ALKBH3: variants seen among roughly 807,000 people sequenced by gnomAD.
ALKBH3 encodes the protein alkB homolog 3, alpha-ketoglutarate dependent dioxygenase.
A neutral mutation model predicts 43.9 loss-of-function variants in ALKBH3; 51 were observed. That is an observed-to-expected ratio of 1.16 (90% confidence interval 0.93 to 1.47). ALKBH3 has a LOEUF of 1.47. Ranked by LOEUF, ALKBH3 falls within the 40% of genes most tolerant of loss-of-function variation. The probability of loss-of-function intolerance (pLI) is 0.00; values close to 1 mark genes in which losing one functional copy is unlikely to be tolerated. For synonymous variants in ALKBH3, 102 were observed against 115.2 expected (o/e 0.89, Z 0.73); for missense variants, 361 against 351.9 (o/e 1.03, Z -0.21).
At chr11:43,907,199 T>TAGAG in intron 8 of ALKBH3, among the ~76,000 whole-genome samples, 1 of 149,008 alleles carries the variant, frequency 6.7e-6, no homozygotes, top group East Asian at 2.0e-4. Context: ...TGAGGGTGAG[T>TAGAG]AGAGAGAGAG....
chr11:43,885,171 C>A (rs1394328526), intron 4 of ALKBH3, among the ~76,000 whole-genome samples: 1 of 152,106 alleles, frequency 6.6e-6, no homozygotes, highest in African/African-American at 2.4e-5. Flanking sequence ...CAGAAACAGG[C>A]AATTGTCGGA....
chr11:43,880,872 G>C lies in ALKBH3; in HGVS notation c.-378G>C, dbSNP rs1015861936. On this transcript the variant is annotated 5_prime_UTR_variant, in exon 1 of 10. Coordinates refer to ENST00000302708, the MANE Select transcript of ALKBH3 (RefSeq NM_139178.4). Reference sequence around the variant, plus strand: ...TCACAGACTGCGGAGTGGGTCAGGGGCTGCGAGGGCTGCCCCAAGTCCTAC... The same window carrying C: ...TCACAGACTGCGGAGTGGGTCAGGGCCTGCGAGGGCTGCCCCAAGTCCTAC... 1.3e-5 allele frequency: 2 copies of C among 152,148 alleles called. No individual in the cohort carries two copies. Among genetic ancestry groups the C allele is most frequent in the Non-Finnish European group, 2.9e-5 (2 of 68,070 alleles). The allele number at this position is 152,148 out of a possible 1,614,324, so 9.4% of individuals were successfully genotyped here. A position where few individuals can be genotyped will look rare whatever the true frequency, so the allele number is the denominator to read the frequency against.
chr11:43,898,764 G>A, intron 7 of ALKBH3: 1 of 743,600 alleles, frequency 1.3e-6, no homozygotes, highest in Non-Finnish European at 2.5e-6. Context: ...CTGTGCTCTG[G>A]ACGCTGGTTA....
intron 8 of ALKBH3, among the ~76,000 whole-genome samples, chr11:43,908,866 T>C (rs1368821058): frequency 2.0e-5 from 3 of 152,220 alleles, no homozygotes; most frequent in Non-Finnish European, 4.4e-5. Context: ...CTGAGAGAGC[T>C]TGTGCCGCAG....
rs371627856 is a variant in ALKBH3 at position 43,882,731 on chromosome 11, G to C, written c.79G>C (p.Ala27Pro). Residue 27 changes from alanine to proline, a missense_variant and splice_region_variant, in exon 2 of 10, where the codon GCT becomes CCT. Coordinates refer to ENST00000302708, the MANE Select transcript of ALKBH3 (RefSeq NM_139178.4). ...PVKSQAIAQP[A>P]TTAKSHLHQK... ...TAAAAGCCAGGCCATTGCTCAGCCA[G>C]GCAAGAATCTGTAGGGATTTTGTGT... is the stretch of plus-strand genomic sequence containing the variant. 10 of 1,610,704 alleles carry C rather than the reference G, an allele frequency of 6.2e-6. No individual in the cohort carries two copies. The South Asian group carries it at 8.8e-5, about 14-fold the overall frequency.
chr11:43,899,405 CACA>C (rs1951844507), intron 7 of ALKBH3: 1 of 706,420 alleles, frequency 1.4e-6, no homozygotes. Context: ...GATCTCTTCG[CACA>C]ACTGTAAAGT....
At position 43,886,644 on chromosome 11, in the gene ALKBH3, G is replaced by A; in HGVS notation, c.257G>A (p.Gly86Asp). 1.9e-6 allele frequency: 3 copies of A among 1,613,986 alleles called. No individual in the cohort carries two copies. The highest frequency in any genetic ancestry group is 2.5e-6 in the Non-Finnish European group (3 of 1,179,918). Residue 86 changes from glycine (G) to aspartate (D), a missense_variant, in exon 5 of 10, where the codon GGT (glycine) becomes GAT (aspartate). Physicochemically the swap from Gly to Asp is moderately conservative, Grantham distance 94. Coordinates refer to ENST00000302708, the MANE Select transcript of ALKBH3 (RefSeq NM_139178.4). The part of the protein sequence containing the change: ...GVYEISLSPT[G>D]VSRVCLYPGF... ...TATGAAATCAGCCTGTCACCCACAG[G>A]TGTATCTAGGTAAGCAAATCCTCAC...
intron 6 of ALKBH3, among the ~76,000 whole-genome samples, chr11:43,891,577 A>T (rs556529578): frequency 7.9e-5 from 12 of 152,316 alleles, no homozygotes; most frequent in Admixed American, 5.9e-4. Context: ...ACAGTTGGTC[A>T]GGGCACTTTT....
intron 8 of ALKBH3, among the ~76,000 whole-genome samples, chr11:43,917,336 A>G (rs867063058): frequency 1.3e-5 from 2 of 152,140 alleles, no homozygotes; most frequent in Middle Eastern, 3.4e-3. Flanking sequence ...CTTCTCCCCA[A>G]CAGTGTTTTT....
At chr11:43,919,471 T>C (rs1952009899) in intron 9 of ALKBH3, 1 of 313,680 alleles carries the variant, frequency 3.2e-6, no homozygotes, top group Admixed American at 4.7e-5. Context: ...TAAATTTAAA[T>C]AGCTTCAGGG....
rs762381561 is a variant in ALKBH3, at chr11:43,920,059, A to G, written c.*49A>G. On this transcript the variant is annotated 3_prime_UTR_variant, in exon 10 of 10. Transcript: ENST00000302708. ...TTCACTGAAACGGAGCAAACCTTCC[A>G]CTGAGAAGCCACTTCAAGAGGCTGG... 9.8e-6 allele frequency: 15 copies of G among 1,525,632 alleles called. No individual in the cohort carries two copies. The highest frequency in any genetic ancestry group is 1.3e-5 in the Non-Finnish European group (14 of 1,101,810). The allele number at this position is 1,525,632 out of a possible 1,614,324, so 94.5% of individuals were successfully genotyped here. A position where few individuals can be genotyped will look rare whatever the true frequency, so the allele number is the denominator to read the frequency against.
At chr11:43,889,910 C>A in intron 6 of ALKBH3, 82 bp downstream of exon 6, 1 of 1,177,090 alleles carries the variant, frequency 8.5e-7, no homozygotes, top group East Asian at 2.4e-5. Context: ...CTTCTGCTCA[C>A]CAAAGCTAGT....
At chr11:43,888,501 G>A (rs944456424) in intron 5 of ALKBH3, among the ~76,000 whole-genome samples, 8 of 152,198 alleles carry the variant, frequency 5.3e-5, no homozygotes, top group African/African-American at 1.4e-4. Flanking sequence ...CATTAACATC[G>A]CCTTAATGCA....
intron 8 of ALKBH3, among the ~76,000 whole-genome samples, chr11:43,913,471 A>T (rs1215165304): frequency 1.3e-5 from 2 of 152,248 alleles, no homozygotes; most frequent in African/African-American, 4.8e-5. Context: ...AATTAAACAA[A>T]TCCACTATAA....
In ALKBH3 at chr11:43,892,142, A is replaced by G; in HGVS notation, c.459+13A>G. On this transcript the variant is annotated intron_variant, in intron 7 of 9. Transcript: ENST00000302708. ...ACCAAATCCTCACGTATGTCAACATATTGTCATTGGTATGGTTTTATAGAC... is the reference window on the plus strand; with the variant it reads ...ACCAAATCCTCACGTATGTCAACATGTTGTCATTGGTATGGTTTTATAGAC... 1 of 1,584,622 alleles carries G rather than the reference A, an allele frequency of 6.3e-7. No individual in the cohort carries two copies. The highest frequency in any genetic ancestry group is 1.3e-5 in the African/African-American group (1 of 74,352).
chr11:43,901,607 A>C lies in ALKBH3; in HGVS notation c.551A>C (p.Glu184Ala). Residue 184 changes from glutamate (E) to alanine (A), a missense_variant, in exon 8 of 10, where the codon GAG becomes GCG. By Grantham distance (107) the Glu-to-Ala change is moderately radical. Transcript: ENST00000302708. The stretch of plus-strand genomic sequence containing the variant: ...TTACTCTGCAATCTTTATCGCAATG[A>C]GAAGGACAGCGTGGACTGGCACAGT... Reference protein sequence around the residue: ...NSLLCNLYRNEKDSVDWHSDD... With the variant: ...NSLLCNLYRNAKDSVDWHSDD... The C allele has an allele frequency of 6.2e-7, 1 of 1,614,234 alleles. No homozygotes were observed.
chr11:43,895,507 T>C (rs910900299), intron 7 of ALKBH3, among the ~76,000 whole-genome samples: 5 of 152,216 alleles, frequency 3.3e-5, no homozygotes, highest in Non-Finnish European at 5.9e-5. Context: ...CCTCTTTTTG[T>C]TGGTAAATTA....
At chr11:43,918,101 A>G (rs1225830954) in intron 8 of ALKBH3, among the ~76,000 whole-genome samples, 1 of 152,246 alleles carries the variant, frequency 6.6e-6, no homozygotes, top group Non-Finnish European at 1.5e-5. Flanking sequence ...ATGAATGAAT[A>G]GACCCATCAG....
chr11:43,912,606 A>G (rs1331549740), intron 8 of ALKBH3: 2 of 152,238 alleles, frequency 1.3e-5, no homozygotes, highest in Non-Finnish European at 2.9e-5. Context: ...CATCTAAGGA[A>G]TCAGAGATGA....
Sources: gnomAD v4.1 joint callset for allele counts (sites outside exome capture counted in the v4.1 genomes callset) on GRCh38, gnomAD v4.1.1 for gene constraint, MANE v1.5 for transcripts, NCBI Gene and HGNC (gene_info 2026-07-23, HGNC 2026-07-21) for gene names.